The following DCAF8 variants were observed in gnomAD, a reference collection of about 807,000 sequenced individuals.
DCAF8 encodes the protein DDB1- and CUL4-associated factor 8.
A neutral mutation model predicts 68.0 loss-of-function variants in DCAF8; 20 were observed. The ratio of observed to expected loss-of-function variants is 0.29; its 90% CI spans 0.21 to 0.43. The LOEUF is 0.43. DCAF8 is among the 20% of genes least tolerant of loss of function. The pLI is 1.00. For missense variants in DCAF8, 460 were observed against 771.0 expected (o/e 0.60, Z 4.78); for synonymous variants, 230 against 276.9 (o/e 0.83, Z 1.68).
At chr1:160,224,847 A>C (rs1655412618) in intron 9 of DCAF8, among the ~76,000 whole-genome samples, 1 of 152,246 alleles carries the variant, frequency 6.6e-6, no homozygotes, top group Non-Finnish European at 1.5e-5. Context: ...CCTGCCAAAT[A>C]TCATCTGCAG....
intron 2 of DCAF8, among the ~76,000 whole-genome samples, chr1:160,250,956 G>C (rs755900426): frequency 6.6e-6 from 1 of 152,046 alleles, no homozygotes; most frequent in Non-Finnish European, 1.5e-5. Flanking sequence ...AAACATCAAC[G>C]TGTAAATATT....
chr1:160,257,388 C>T (rs561056286), intron 2 of DCAF8, among the ~76,000 whole-genome samples: 3 of 152,204 alleles, frequency 2.0e-5, no homozygotes, highest in African/African-American at 7.2e-5. Context: ...TGGATATTTC[C>T]TAGACATGTT....
chr1:160,257,268 T>G (rs1000021502), intron 2 of DCAF8, among the ~76,000 whole-genome samples: 1 of 148,200 alleles, frequency 6.7e-6, no homozygotes. Context: ...ATAATCTGCT[T>G]TAAAAAAAAA....
Position 160,235,965 on chromosome 1 carries a change from C to T in DCAF8, c.959+1170G>A, listed in dbSNP as rs1318944342. On this transcript the variant is annotated intron_variant, in intron 6 of 13. Coordinates refer to ENST00000368074, the MANE Select transcript of DCAF8 (RefSeq NM_015726.4). ...TGTTGGCTAGGCTGGTCTCAAACTC[C>T]TGACCTCAAGTGATCCACCTGCCTT... Among the ~76,000 whole-genome samples the T allele has an allele frequency of 2.6e-5, 4 of 152,286 alleles. No individual in the cohort carries two copies. The East Asian group carries it at 7.7e-4, about 29-fold the overall frequency.
intron 6 of DCAF8, among the ~76,000 whole-genome samples, chr1:160,236,077 G>A (rs1384250678): frequency 3.3e-5 from 5 of 152,036 alleles, no homozygotes; most frequent in African/African-American, 1.2e-4. Context: ...GGTGGGGCGG[G>A]GGTGACTGAG....
chr1:160,259,401 C>G (rs562377772), intron 2 of DCAF8, among the ~76,000 whole-genome samples: 5 of 152,044 alleles, frequency 3.3e-5, no homozygotes, highest in Non-Finnish European at 5.9e-5. Context: ...GGCATGGTGG[C>G]GCATGCCTGT....
chr1:160,260,013 T>A (rs1469646528), intron 2 of DCAF8, among the ~76,000 whole-genome samples: 5 of 151,586 alleles, frequency 3.3e-5, no homozygotes, highest in African/African-American at 1.2e-4. Context: ...ACCAGAAAAA[T>A]GTGTTCTAAG....
chr1:160,227,631 A>G (rs1465813952), intron 7 of DCAF8, among the ~76,000 whole-genome samples: 3 of 152,234 alleles, frequency 2.0e-5, no homozygotes, highest in Non-Finnish European at 4.4e-5. Context: ...TTCTTAAAGG[A>G]CAAGACAGTA....
chr1:160,246,774 G>A (rs1656358232), intron 2 of DCAF8, among the ~76,000 whole-genome samples: 1 of 152,138 alleles, frequency 6.6e-6, no homozygotes, highest in South Asian at 2.1e-4. Context: ...ACCAGCCTGG[G>A]CAACATAAGA....
chr1:160,228,282 T>C (rs1054525216), intron 7 of DCAF8, among the ~76,000 whole-genome samples: 9 of 151,946 alleles, frequency 5.9e-5, no homozygotes, highest in Non-Finnish European at 4.4e-5. Flanking sequence ...ACCACATCTC[T>C]TCCCACATGC....
Position 160,244,051 on chromosome 1 carries a change from A to C in DCAF8, c.-26-17T>G. On this transcript the variant is annotated splice_polypyrimidine_tract_variant and intron_variant, in intron 2 of 13. Transcript: ENST00000368074. ...GTAGCCAGCCTGGGTTTGGGAGAGG[A>C]AGAAACCAAAACAATTAGGAAACCA... 6.2e-7 allele frequency: 1 copy of C among 1,603,976 alleles called. No individual in the cohort carries two copies. The highest frequency in any genetic ancestry group is 1.1e-5 in the South Asian group (1 of 90,810).
chr1:160,256,016 T>A (rs112113069), intron 2 of DCAF8, among the ~76,000 whole-genome samples: 5 of 126,232 alleles, frequency 4.0e-5, no homozygotes, highest in African/African-American at 2.2e-4. Context: ...AGCAAACTTT[T>A]TTTTTTTTTT....
intron 2 of DCAF8, among the ~76,000 whole-genome samples, chr1:160,250,933 T>C (rs1041750106): frequency 2.0e-5 from 3 of 152,174 alleles, no homozygotes; most frequent in Admixed American, 2.0e-4. Flanking sequence ...CTACCTTACC[T>C]TGAGCCCGAT....
chr1:160,230,408 C>T (rs1398158260), intron 7 of DCAF8, among the ~76,000 whole-genome samples: 1 of 152,086 alleles, frequency 6.6e-6, no homozygotes, highest in African/African-American at 2.4e-5. Flanking sequence ...TACTAAGGGT[C>T]AGAGGAAATT....
chr1:160,234,063 C>T (rs951010595), intron 6 of DCAF8, among the ~76,000 whole-genome samples: 6 of 152,082 alleles, frequency 3.9e-5, no homozygotes, highest in African/African-American at 1.4e-4. Flanking sequence ...AATATTCCAT[C>T]CACAGGTTCA....
chr1:160,232,467 C>T (rs540987346), intron 6 of DCAF8, among the ~76,000 whole-genome samples: 163 of 152,088 alleles, frequency 1.1e-3, no homozygotes, highest in African/African-American at 3.7e-3. Flanking sequence ...ACGGTGAAAC[C>T]CCGTCTCTAC....
chr1:160,217,623 C>A lies in DCAF8; in HGVS notation c.1763G>T (p.Gly588Val), dbSNP rs1163871338. 6.2e-7 allele frequency: 1 copy of A among 1,614,024 alleles called. No individual in the cohort carries two copies. Among genetic ancestry groups the A allele is most frequent in the Non-Finnish European group, 8.5e-7 (1 of 1,179,998 alleles). ...SSSDTSDEEE[G>V]PDRVQCMPS Reference sequence around the variant, plus strand: ...TGGCATGCACTGCACCCGGTCAGGGCCCTCCTCCTCGTCCGATGTGTCTGA... The same window carrying A: ...TGGCATGCACTGCACCCGGTCAGGGACCTCCTCCTCGTCCGATGTGTCTGA... The change falls in exon 14 of 14, where the codon GGC becomes GTC. Residue 588 changes from glycine to valine, a missense_variant. Transcript: ENST00000368074.
chr1:160,233,737 G>A (rs1462005803), intron 6 of DCAF8, among the ~76,000 whole-genome samples: 1 of 152,178 alleles, frequency 6.6e-6, no homozygotes. Context: ...TGGCTCCACA[G>A]TTATGTAATC....
At chr1:160,218,474 C>T (rs1655196225) in intron 12 of DCAF8, 34 bp from the exon 13 acceptor site, 1 of 1,521,900 alleles carries the variant, frequency 6.6e-7, no homozygotes, top group Non-Finnish European at 9.1e-7. Context: ...GAGGGGGCAG[C>T]AATGAAGAGG....
Sources: allele counts gnomAD v4.1 joint callset (sites outside exome capture counted in the v4.1 genomes callset), GRCh38; gene constraint gnomAD v4.1.1; transcripts MANE v1.5; gene names NCBI Gene and HGNC (gene_info 2026-07-23, HGNC 2026-07-21).